Variants in RAPGEF1 observed in about 807,000 individuals in gnomAD.
RAPGEF1 encodes the protein CRK SH3-binding GNRP.
A neutral mutation model predicts 143.3 loss-of-function variants in RAPGEF1; 33 were observed. The observed-to-expected ratio is 0.23, with a 90% CI of 0.17 to 0.31. The LOEUF is 0.31. RAPGEF1 is among the 10% of genes least tolerant of loss of function. RAPGEF1 has a pLI of 1.00. For synonymous variants in RAPGEF1, 629 were observed against 676.5 expected, an observed-to-expected ratio of 0.93 and a Z score of 1.09; for missense variants, 1,199 against 1,645.4, an observed-to-expected ratio of 0.73 and a Z score of 4.69.
Position 131,596,777 on chromosome 9 carries a change from G to A in RAPGEF1, c.2614-404C>T, listed in dbSNP as rs114019800. 3.8e-3 allele frequency among the ~76,000 whole-genome samples: 572 copies of A among 152,276 alleles called. 5 individuals carry two copies. The highest frequency in any genetic ancestry group is 0.013 in the African/African-American group (551 of 41,556). On this transcript the variant is annotated intron_variant, in intron 16 of 26. Coordinates refer to ENST00000683357, the MANE Select transcript of RAPGEF1 (RefSeq NM_001377935.1). Reference sequence around the variant, plus strand: ...GACAGTCCCCAGCCTTGCCCAGGATGCCTGTGGAGGCAGCAGGACTATTTC... The same window carrying A: ...GACAGTCCCCAGCCTTGCCCAGGATACCTGTGGAGGCAGCAGGACTATTTC...
In RAPGEF1 at chr9:131,667,055, A is replaced by C. The variant is rs1830552861; in HGVS notation, c.62-16106T>G. Among the ~76,000 whole-genome samples, 1 of 151,652 alleles carries C rather than the reference A, an allele frequency of 6.6e-6. No individual in the cohort carries two copies. The highest frequency in any genetic ancestry group is 1.5e-5 in the Non-Finnish European group (1 of 67,902). ...ACCCAGGCGGAGTGCAGTGGCACGAACTCGGCTCACTGCCATCTCCATCTC... is the reference window on the plus strand; with the variant it reads ...ACCCAGGCGGAGTGCAGTGGCACGACCTCGGCTCACTGCCATCTCCATCTC... On this transcript the variant is annotated intron_variant, in intron 1 of 26. Coordinates refer to ENST00000683357, the MANE Select transcript of RAPGEF1 (RefSeq NM_001377935.1). The surrounding 1 kb of genome is among the most constrained non-coding windows in gnomAD (Gnocchi z 4.6).
intron 1 of RAPGEF1, among the ~76,000 whole-genome samples, chr9:131,716,090 C>T (rs1382204019): frequency 1.3e-5 from 2 of 152,162 alleles, no homozygotes; most frequent in Non-Finnish European, 1.5e-5. Context: ...CTGGCCACTG[C>T]TGCTGGATCC....
Position 131,663,922 on chromosome 9 carries a change from T to G in RAPGEF1, c.62-12973A>C, listed in dbSNP as rs150773810. On this transcript the variant is annotated intron_variant, in intron 1 of 26. Coordinates refer to ENST00000683357, the MANE Select transcript of RAPGEF1 (RefSeq NM_001377935.1). The stretch of plus-strand genomic sequence containing the variant: ...GATGATCCTTATGTGAATCTTTATT[T>G]TACTGGTGGTTACACATTGGTGATT... Among the ~76,000 whole-genome samples, 202 of 152,364 alleles carry G rather than the reference T, an allele frequency of 1.3e-3. 1 individual carries two copies. The highest frequency in any genetic ancestry group is 2.2e-3 in the Non-Finnish European group (147 of 68,038).
chr9:131,720,855 C>T (rs1836213738), intron 1 of RAPGEF1, among the ~76,000 whole-genome samples: 1 of 152,200 alleles, frequency 6.6e-6, no homozygotes, highest in South Asian at 2.1e-4. Context: ...ATTTTTCCAA[C>T]TTTCTCTATA....
intron 1 of RAPGEF1, among the ~76,000 whole-genome samples, chr9:131,684,170 C>T (rs1278180260): frequency 1.3e-5 from 2 of 152,210 alleles, no homozygotes; most frequent in African/African-American, 4.8e-5. Context: ...GAGGAGTTAA[C>T]CCTCGAGGAC....
intron 1 of RAPGEF1, among the ~76,000 whole-genome samples, chr9:131,714,996 C>T (rs1835762748): frequency 6.6e-6 from 1 of 152,146 alleles, no homozygotes; most frequent in African/African-American, 2.4e-5. Flanking sequence ...TAGGCATGAG[C>T]CACCGAGTCT....
rs747131811 is a variant in RAPGEF1 at position 131,598,253 on chromosome 9, C to T, written c.2559G>A (p.Glu853=). The T allele has an allele frequency of 9.3e-6, 15 of 1,613,930 alleles. No homozygotes were observed. In the East Asian group the frequency reaches 3.3e-4, roughly 36 times the overall value. The stretch of plus-strand genomic sequence containing the variant: ...TTTCGTTGTGGTCAATGAGGGACAG[C>T]TCGTCCACTTCCTCCTCCGACTGAG... The part of the protein sequence containing the change: ...ESAQSEEEVD[E]LSLIDHNEIM... The change falls in exon 16 of 27, where the codon GAG becomes GAA. Residue 853 remains glutamate (E), a synonymous_variant. Coordinates refer to ENST00000683357, the MANE Select transcript of RAPGEF1 (RefSeq NM_001377935.1).
At chr9:131,598,429 A>G (rs1353961921) in intron 15 of RAPGEF1, 119 bp from the exon 16 acceptor site, 1 of 784,590 alleles carries the variant, frequency 1.3e-6, no homozygotes, top group African/African-American at 1.7e-5. Context: ...GCCTGCCCCG[A>G]TGGCAGCTAC....
intron 1 of RAPGEF1, among the ~76,000 whole-genome samples, chr9:131,730,332 T>A (rs1478268310): frequency 6.6e-6 from 1 of 151,400 alleles, no homozygotes; most frequent in Non-Finnish European, 1.5e-5. Context: ...TTAAAAATCA[T>A]CAACAAAACA....
chr9:131,585,439 C>T (rs1952562152), intron 22 of RAPGEF1, among the ~76,000 whole-genome samples: 1 of 152,210 alleles, frequency 6.6e-6, no homozygotes, highest in Non-Finnish European at 1.5e-5. Context: ...CCTCGGCCTC[C>T]CAAAGTCCTG....
At chr9:131,713,038 C>A (rs577628841) in intron 1 of RAPGEF1, among the ~76,000 whole-genome samples, 1 of 152,138 alleles carries the variant, frequency 6.6e-6, no homozygotes, top group Non-Finnish European at 1.5e-5. Context: ...GATGGGCAAG[C>A]GACCCATCTC....
Position 131,621,885 on chromosome 9 carries a change from C to T in RAPGEF1, c.1816G>A (p.Val606Ile). ...CTGAAGGAGTCGCTGAAGCCGTATA[C>T]CTCCATGAGGAGCTTGTTCTTCTGC... ...YQQKNKLLMEVYGFSDSFSGV... is the reference protein window; with the variant it reads ...YQQKNKLLMEIYGFSDSFSGV... Residue 606 changes from valine to isoleucine, a missense_variant, in exon 11 of 27, where the codon GTA becomes ATA. Coordinates refer to ENST00000683357, the MANE Select transcript of RAPGEF1 (RefSeq NM_001377935.1). The surrounding 1 kb of genome is among the most constrained non-coding windows in gnomAD (Gnocchi z 4.5). 1 of 1,613,436 alleles carries T rather than the reference C, an allele frequency of 6.2e-7. No individual in the cohort carries two copies. The highest frequency in any genetic ancestry group is 8.5e-7 in the Non-Finnish European group (1 of 1,179,654).
rs767736112 is a variant in RAPGEF1, at chr9:131,670,782, G to A, written c.62-19833C>T. Among the ~76,000 whole-genome samples, 3 of 152,186 alleles carry A rather than the reference G, an allele frequency of 2.0e-5. No individual in the cohort carries two copies. In the South Asian group the frequency reaches 6.2e-4, roughly 31 times the overall value. ...TTTTTAAACAACCCCAAAAATAATGGGTTGGGGAAGAACATATATTTCAGT... is the reference window on the plus strand; with the variant it reads ...TTTTTAAACAACCCCAAAAATAATGAGTTGGGGAAGAACATATATTTCAGT... On this transcript the variant is annotated intron_variant, in intron 1 of 26. Coordinates refer to ENST00000683357, the MANE Select transcript of RAPGEF1 (RefSeq NM_001377935.1).
intron 25 of RAPGEF1, among the ~76,000 whole-genome samples, chr9:131,580,639 C>T (rs554511379): frequency 6.6e-6 from 1 of 152,236 alleles, no homozygotes; most frequent in African/African-American, 2.4e-5. Context: ...GGTGATGCGG[C>T]TGCCATGGCT....
chr9:131,739,852 C>A lies in RAPGEF1; in HGVS notation c.-22G>T, dbSNP rs1441065174. On this transcript the variant is annotated 5_prime_UTR_variant, in exon 1 of 27. Coordinates refer to ENST00000683357, the MANE Select transcript of RAPGEF1 (RefSeq NM_001377935.1). ...TCATCGGGCCCGGGCCGGGCCGCCG[C>A]GGGGCGACAGGGGCGGCGCGCCCGC... 9.9e-7 allele frequency: 1 copy of A among 1,014,964 alleles called. No individual in the cohort carries two copies. The highest frequency in any genetic ancestry group is 4.4e-5 in the South Asian group (1 of 22,870). 62.9% of individuals were successfully genotyped at this position (1,014,964 alleles called of 1,614,324 possible).
chr9:131,584,722 C>T lies in RAPGEF1; in HGVS notation c.3234-126G>A. 1 of 787,528 alleles carries T rather than the reference C, an allele frequency of 1.3e-6. No homozygotes were observed. The highest frequency in any genetic ancestry group is 2.1e-6 in the Non-Finnish European group (1 of 470,510). The allele number at this position is 787,528 out of a possible 1,614,324, so 48.8% of individuals were successfully genotyped here. A position where few individuals can be genotyped will look rare whatever the true frequency, so the allele number is the denominator to read the frequency against. ...GCCACGAGCCCACCCCTACTGAATA[C>T]CTGCAGCCTGCCCCAGGCATAGATC... On this transcript the variant is annotated intron_variant, in intron 22 of 26. Transcript: ENST00000683357. The surrounding 1 kb of genome is among the most constrained non-coding windows in gnomAD (Gnocchi z 6.8).
intron 12 of RAPGEF1, among the ~76,000 whole-genome samples, chr9:131,608,496 G>A (rs1268817197): frequency 1.3e-5 from 2 of 152,190 alleles, no homozygotes; most frequent in Non-Finnish European, 2.9e-5. Context: ...ACACTGGGGA[G>A]GGAGGCTCAG....
intron 1 of RAPGEF1, among the ~76,000 whole-genome samples, chr9:131,674,487 C>CT (rs1831953402): frequency 1.3e-5 from 2 of 152,042 alleles, no homozygotes; most frequent in Non-Finnish European, 2.9e-5. Context: ...TTCCCCAAGG[C>CT]GTGAGAAGCC....
intron 26 of RAPGEF1, among the ~76,000 whole-genome samples, 178 bp from the exon 27 acceptor site, chr9:131,579,825 C>T (rs1247320445): frequency 6.6e-6 from 1 of 152,198 alleles, no homozygotes; most frequent in African/African-American, 2.4e-5. Context: ...GAGACGGTGC[C>T]ACCAGCACAT....
Sources: allele counts gnomAD v4.1 joint callset (sites outside exome capture counted in the v4.1 genomes callset), GRCh38; gene constraint gnomAD v4.1.1; non-coding constraint Gnocchi (gnomAD v3.1); transcripts MANE v1.5; gene names NCBI Gene and HGNC (gene_info 2026-07-23, HGNC 2026-07-21).